Variants in WWOX observed in about 807,000 individuals in gnomAD.
WWOX encodes WW domain containing oxidoreductase, also known as WW domain-containing oxidoreductase.
A neutral mutation model predicts 46.2 loss-of-function variants in WWOX; 69 were observed. That is an observed-to-expected ratio of 1.49 (90% CI 1.23 to 1.82). The LOEUF is 1.82. WWOX is among the 40% of genes most tolerant of loss of function. WWOX has a pLI of 0.00. For missense variants in WWOX, 919 were observed against 542.6 expected, an observed-to-expected ratio of 1.69 and a Z score of -6.89; for synonymous variants, 359 against 202.6, an observed-to-expected ratio of 1.77 and a Z score of -6.56.
chr16:78,484,474 A>G (rs2151451955), intron 8 of WWOX, among the ~76,000 whole-genome samples: 1 of 152,362 alleles, frequency 6.6e-6, no homozygotes, highest in African/African-American at 2.4e-5. Context: ...TAATGTATTC[A>G]TAAATTGATT....
intron 2 of WWOX, among the ~76,000 whole-genome samples, chr16:78,109,337 A>C (rs1173310644): frequency 6.6e-6 from 1 of 152,002 alleles, no homozygotes; most frequent in Non-Finnish European, 1.5e-5. Context: ...AAATATGAGA[A>C]GGTTCCTGCC....
intron 8 of WWOX, among the ~76,000 whole-genome samples, chr16:78,600,172 A>C (rs1256999309): frequency 1.3e-5 from 2 of 152,070 alleles, no homozygotes; most frequent in African/African-American, 2.4e-5. Flanking sequence ...AAGCACAGGA[A>C]AGACTTGCCC....
Position 78,145,572 on chromosome 16 carries a change from A to C in WWOX, c.410-18611A>C, listed in dbSNP as rs113426989. ...AGCTGATTAGATGGTACCAACCCAA[A>C]TTGAGGGTGGGTCTGTCTCTCTTCA... On this transcript the variant is annotated intron_variant, in intron 4 of 8. Coordinates refer to ENST00000566780, the MANE Select transcript of WWOX (RefSeq NM_016373.4). Among the ~76,000 whole-genome samples, 769 of 152,242 alleles carry C rather than the reference A, an allele frequency of 5.1e-3. 7 individuals are homozygous for C. Among genetic ancestry groups the C allele is most frequent in the African/African-American group, 0.018 (749 of 41,548 alleles).
rs909259076 is a variant in WWOX at position 78,302,466 on chromosome 16, C to G, written c.517-84394C>G. On this transcript the variant is annotated intron_variant, in intron 5 of 8. Transcript: ENST00000566780. ...TTTCTGAAGGAGAAAACTCAGTGGA[C>G]CATTCCACTGCCTCAGGAGATATTG... Among the ~76,000 whole-genome samples, 6 of 152,264 alleles carry G rather than the reference C, an allele frequency of 3.9e-5. No individual in the cohort carries two copies. The East Asian group carries it at 1.2e-3, about 29-fold the overall frequency.
chr16:79,034,009 A>C (rs913236895), intron 8 of WWOX, among the ~76,000 whole-genome samples: 4 of 152,166 alleles, frequency 2.6e-5, no homozygotes, highest in African/African-American at 9.7e-5. Context: ...ATTCCTGGGG[A>C]AAGTAGTTAT....
At chr16:78,183,999 C>T (rs2035615664) in intron 5 of WWOX, among the ~76,000 whole-genome samples, 1 of 152,164 alleles carries the variant, frequency 6.6e-6, no homozygotes, top group Non-Finnish European at 1.5e-5. Flanking sequence ...TCAGCAACTT[C>T]ACATCAAGGG....
chr16:78,578,906 G>T (rs984206478), intron 8 of WWOX, among the ~76,000 whole-genome samples: 1 of 152,166 alleles, frequency 6.6e-6, no homozygotes, highest in Non-Finnish European at 1.5e-5. Context: ...AATATTACCT[G>T]TAATGCTGTT....
chr16:78,281,773 G>A (rs147699500), intron 5 of WWOX, among the ~76,000 whole-genome samples: 206 of 152,124 alleles, frequency 1.4e-3, no homozygotes, highest in Middle Eastern at 6.8e-3. Flanking sequence ...TAGCCTGTGT[G>A]CTGTATAAGA....
At chr16:79,053,320 C>T (rs111299030) in intron 8 of WWOX, among the ~76,000 whole-genome samples, 43 of 152,212 alleles carry the variant, frequency 2.8e-4, no homozygotes, top group Admixed American at 1.3e-3. Context: ...CGAATGAAGC[C>T]GTTTTAATGT....
chr16:78,629,733 A>T (rs1180106886), intron 8 of WWOX, among the ~76,000 whole-genome samples: 4 of 152,190 alleles, frequency 2.6e-5, no homozygotes, highest in Non-Finnish European at 4.4e-5. Context: ...CTCATCATTT[A>T]GGCTTCAAAT....
intron 8 of WWOX, among the ~76,000 whole-genome samples, chr16:78,844,898 T>A (rs996593126): frequency 2.0e-5 from 3 of 152,178 alleles, no homozygotes; most frequent in Admixed American, 6.5e-5. Flanking sequence ...TGGCCAGAGC[T>A]AGTGGTTGCT....
At chr16:78,987,237 T>C (rs1018270082) in intron 8 of WWOX, among the ~76,000 whole-genome samples, 17 of 152,238 alleles carry the variant, frequency 1.1e-4, no homozygotes, top group African/African-American at 4.1e-4. Context: ...AGGCTGTGCT[T>C]ATTAACTCAG....
At chr16:78,367,177 C>T (rs866118991) in intron 5 of WWOX, among the ~76,000 whole-genome samples, 1 of 151,978 alleles carries the variant, frequency 6.6e-6, no homozygotes, top group East Asian at 1.9e-4. Context: ...GACAGGGTTT[C>T]ACCATGTTAG....
chr16:79,077,636 T>TA (rs2048682693), intron 8 of WWOX: 1 of 117,534 alleles, frequency 8.5e-6, no homozygotes, highest in African/African-American at 3.1e-5. Context: ...CCTTAAATGG[T>TA]CCCCCCTTTT....
chr16:78,338,421 T>G (rs1158166985), intron 5 of WWOX, among the ~76,000 whole-genome samples: 1 of 121,200 alleles, frequency 8.3e-6, no homozygotes, highest in African/African-American at 2.8e-5. Flanking sequence ...GTCTGTTTAT[T>G]TTTTTTGCCC....
At chr16:78,151,311 A>C (rs554124923) in intron 4 of WWOX, among the ~76,000 whole-genome samples, 1 of 152,244 alleles carries the variant, frequency 6.6e-6, no homozygotes, top group Non-Finnish European at 1.5e-5. Flanking sequence ...ATGGTGGGGT[A>C]CACCTGCTTG....
chr16:78,326,988 CTCA>C (rs1425661391), intron 5 of WWOX, among the ~76,000 whole-genome samples: 3 of 152,046 alleles, frequency 2.0e-5, no homozygotes, highest in African/African-American at 7.2e-5. Context: ...TCCCCAGAGG[CTCA>C]TCATCATCAA....
At chr16:78,862,145 C>G (rs1167975622) in intron 8 of WWOX, among the ~76,000 whole-genome samples, 2 of 151,716 alleles carry the variant, frequency 1.3e-5, no homozygotes, top group Non-Finnish European at 2.9e-5. Context: ...TCTATACACA[C>G]CTATGGGTGT....
chr16:78,480,754 A>G (rs910034928), intron 8 of WWOX, among the ~76,000 whole-genome samples: 1 of 152,220 alleles, frequency 6.6e-6, no homozygotes, highest in African/African-American at 2.4e-5. Flanking sequence ...TTCCCCAGGG[A>G]GAGGGTCCAT....
Sources: gnomAD v4.1 joint callset for allele counts (sites outside exome capture counted in the v4.1 genomes callset) on GRCh38, gnomAD v4.1.1 for gene constraint, MANE v1.5 for transcripts, NCBI Gene and HGNC (gene_info 2026-07-23, HGNC 2026-07-21) for gene names.